LCORL: variants seen among roughly 807,000 people sequenced by gnomAD.
LCORL encodes the protein ligand dependent nuclear receptor corepressor like.
A neutral mutation model predicts 141.8 loss-of-function variants in LCORL; 41 were observed. The ratio of observed to expected loss-of-function variants is 0.29; its 90% CI spans 0.23 to 0.38. The LOEUF (loss-of-function observed/expected upper bound fraction) is 0.38. LCORL is among the 10% of genes least tolerant of loss of function. LCORL has a pLI of 1.00. For missense variants in LCORL, 1,759 were observed against 2,035.0 expected (o/e 0.86, Z 2.61); for synonymous variants, 618 against 694.1 (o/e 0.89, Z 1.72).
At chr4:17,999,479 C>A (rs535213459) in intron 1 of LCORL, among the ~76,000 whole-genome samples, 1 of 151,596 alleles carries the variant, frequency 6.6e-6, no homozygotes, top group Admixed American at 6.6e-5. Context: ...AACAGGATGT[C>A]GAAGACATCA....
exon 7 of LCORL, chr4:17,875,020 T>A (rs754413068): frequency 6.5e-6 from 8 of 1,233,572 alleles, no homozygotes; most frequent in Non-Finnish European, 8.1e-6. Context: ...AAAGGTACAG[T>A]AGCAATCATA....
chr4:17,936,164 T>G (rs1224756859), intron 4 of LCORL, among the ~76,000 whole-genome samples: 2 of 152,096 alleles, frequency 1.3e-5, no homozygotes, highest in Admixed American at 1.3e-4. Context: ...GTGGCAATTT[T>G]TATAAAGAGT....
intron 4 of LCORL, among the ~76,000 whole-genome samples, chr4:17,929,726 C>T (rs894069965): frequency 6.6e-6 from 1 of 152,052 alleles, no homozygotes. Flanking sequence ...AGATCTGACA[C>T]TAAAAGCACA....
intron 1 of LCORL, among the ~76,000 whole-genome samples, chr4:18,002,193 T>C (rs1319862924): frequency 1.3e-5 from 2 of 152,208 alleles, no homozygotes; most frequent in Admixed American, 1.3e-4. Flanking sequence ...GTTAATTTGG[T>C]GGCTCTACAA....
At chr4:17,896,837 C>G (rs2109275879) in intron 5 of LCORL, among the ~76,000 whole-genome samples, 1 of 151,976 alleles carries the variant, frequency 6.6e-6, no homozygotes, top group South Asian at 2.1e-4. Context: ...CTTTTTTGTA[C>G]CCATTAACTA....
At chr4:17,996,698 A>T (rs1349731848) in intron 1 of LCORL, among the ~76,000 whole-genome samples, 1 of 152,076 alleles carries the variant, frequency 6.6e-6, no homozygotes, top group Non-Finnish European at 1.5e-5. Flanking sequence ...TGAAAAAAAA[A>T]GTTTTATAAT....
chr4:17,998,982 AAAAATATATATATATATATATACACAC>A (rs1259887906), intron 1 of LCORL, among the ~76,000 whole-genome samples: 56 of 63,622 alleles, frequency 8.8e-4, no homozygotes, highest in African/African-American at 3.2e-3. Context: ...AAAAAAAAAA[AAAAATATATATATATATATATACACAC>A]ATATATATAT....
intron 4 of LCORL, among the ~76,000 whole-genome samples, chr4:17,914,883 C>T: frequency 6.6e-6 from 1 of 152,180 alleles, no homozygotes; most frequent in East Asian, 1.9e-4. Context: ...TAATTCCTGC[C>T]TCCTGATATA....
At chr4:17,910,148 CTCTG>C (rs1732279937) in intron 4 of LCORL, among the ~76,000 whole-genome samples, 1 of 152,120 alleles carries the variant, frequency 6.6e-6, no homozygotes, top group Non-Finnish European at 1.5e-5. Context: ...AATAATACAA[CTCTG>C]TCTGAAACTT....
At chr4:18,019,122 A>G (rs1725087956) in intron 1 of LCORL, among the ~76,000 whole-genome samples, 2 of 152,218 alleles carry the variant, frequency 1.3e-5, no homozygotes, top group African/African-American at 2.4e-5. Context: ...TTATTTTAAA[A>G]TAACAATGGG....
intron 7 of LCORL, among the ~76,000 whole-genome samples, chr4:17,868,658 C>A (rs887115003): frequency 8.5e-5 from 13 of 152,102 alleles, no homozygotes; most frequent in African/African-American, 3.1e-4. Context: ...ATTTCCCATC[C>A]TCCACCCCCT....
chr4:17,886,161 C>A, exon 6 of LCORL: 1 of 1,558,588 alleles, frequency 6.4e-7, no homozygotes, highest in South Asian at 1.2e-5. Flanking sequence ...CACTCCATCC[C>A]CTATAATTTT....
chr4:17,843,094 A>G (rs756600000), exon 8 of LCORL: 1 of 440,266 alleles, frequency 2.3e-6, no homozygotes, highest in South Asian at 3.1e-5. Flanking sequence ...ATATAAAATC[A>G]TTAGCTAGAT....
At chr4:17,883,979 T>C in intron 6 of LCORL, 7 of 1,550,854 alleles carry the variant, frequency 4.5e-6, no homozygotes, top group Non-Finnish European at 4.4e-6. Flanking sequence ...GCCACGTTTT[T>C]TCCTGGGCTG....
intron 7 of LCORL, among the ~76,000 whole-genome samples, chr4:17,858,137 G>A (rs1447060472): frequency 3.3e-5 from 5 of 152,152 alleles, no homozygotes; most frequent in Admixed American, 6.5e-5. Context: ...AAGAAAGCAT[G>A]AGCACGACGT....
At chr4:17,953,666 T>C (rs1042151411) in intron 4 of LCORL, among the ~76,000 whole-genome samples, 1 of 152,206 alleles carries the variant, frequency 6.6e-6, no homozygotes, top group African/African-American at 2.4e-5. Flanking sequence ...CCATCATGAT[T>C]TTAAAGCATT....
At chr4:17,950,837 T>C (rs1489449880) in intron 4 of LCORL, among the ~76,000 whole-genome samples, 1 of 152,172 alleles carries the variant, frequency 6.6e-6, no homozygotes, top group African/African-American at 2.4e-5. Flanking sequence ...AAATGTTTGT[T>C]GTTACAAGTG....
At chr4:17,860,016 T>C (rs1399381787) in intron 7 of LCORL, among the ~76,000 whole-genome samples, 1 of 152,092 alleles carries the variant, frequency 6.6e-6, no homozygotes, top group Non-Finnish European at 1.5e-5. Flanking sequence ...TGATTATGGG[T>C]AAGAAAAATC....
rs536812949 is a variant in LCORL, at chr4:17,861,949, T to C, written c.5602+11439A>G. On this transcript the variant is annotated intron_variant, in intron 7 of 7. Coordinates refer to ENST00000635767, the Ensembl canonical transcript of LCORL. Reference sequence around the variant, plus strand: ...CTCAGCCTTGACCTTATTGTCCCTATTGCTATCAGGCTTTTGGTCAAAGCC... The same window carrying C: ...CTCAGCCTTGACCTTATTGTCCCTACTGCTATCAGGCTTTTGGTCAAAGCC... Among the ~76,000 whole-genome samples, 18 of 152,310 alleles carry C rather than the reference T, an allele frequency of 1.2e-4. 1 individual carries two copies. Among genetic ancestry groups the C allele is most frequent in the African/African-American group, 4.1e-4 (17 of 41,572 alleles).
Sources: gnomAD v4.1 joint callset for allele counts (sites outside exome capture counted in the v4.1 genomes callset) on GRCh38, gnomAD v4.1.1 for gene constraint, MANE v1.5 for transcripts, NCBI Gene and HGNC (gene_info 2026-07-23, HGNC 2026-07-21) for gene names.